Variants in ERG observed in about 807,000 individuals in gnomAD.
ERG encodes the protein transcriptional regulator ERG.
ERG carries 9 observed loss-of-function variants against 55.3 expected under a neutral mutation model. The ratio of observed to expected loss-of-function variants is 0.16; its 90% CI spans 0.10 to 0.28. The LOEUF (loss-of-function observed/expected upper bound fraction) is 0.28. Ranked by LOEUF, ERG falls within the 10% of genes least tolerant of loss-of-function variation. ERG has a pLI of 1.00. For synonymous variants in ERG, 223 were observed against 237.3 expected (o/e 0.94, Z 0.55); for missense variants, 434 against 631.6 (o/e 0.69, Z 3.35).
At chr21:38,447,394 G>T (rs1230731439) in intron 1 of ERG, among the ~76,000 whole-genome samples, 1 of 151,384 alleles carries the variant, frequency 6.6e-6, no homozygotes, top group Non-Finnish European at 1.5e-5. Context: ...GTACCAAAGA[G>T]TCAGGTAGGC....
chr21:38,495,584 G>A (rs1258470642), intron 1 of ERG, among the ~76,000 whole-genome samples: 5 of 152,184 alleles, frequency 3.3e-5, no homozygotes, highest in African/African-American at 1.2e-4. Context: ...ATCAGAACTT[G>A]CAACCTGGGG....
chr21:38,517,627 A>G (rs1321471302), intron 2 of ERG, among the ~76,000 whole-genome samples: 1 of 152,170 alleles, frequency 6.6e-6, no homozygotes, highest in African/African-American at 2.4e-5. Flanking sequence ...ATGAAAAAGA[A>G]ATCAGTATAT....
chr21:38,429,243 A>G (rs1171010216), intron 2 of ERG, among the ~76,000 whole-genome samples: 1 of 151,082 alleles, frequency 6.6e-6, no homozygotes, highest in African/African-American at 2.4e-5. Flanking sequence ...ATAGTATTCC[A>G]TGGTGTGTGT....
intron 1 of ERG, among the ~76,000 whole-genome samples, chr21:38,635,604 A>G (rs1313152440): frequency 6.6e-6 from 1 of 152,242 alleles, no homozygotes; most frequent in Non-Finnish European, 1.5e-5. Context: ...CATTTCTAAA[A>G]TCCAAAAACT....
chr21:38,397,596 C>CAA (rs61047146), intron 6 of ERG, among the ~76,000 whole-genome samples: 2,962 of 66,904 alleles, frequency 0.044, 118 homozygotes, highest in East Asian at 0.066. Context: ...GACTCCATCT[C>CAA]AAAAAAAAAA....
intron 1 of ERG, among the ~76,000 whole-genome samples, chr21:38,618,362 C>T (rs950972138): frequency 6.6e-6 from 1 of 151,976 alleles, no homozygotes; most frequent in African/African-American, 2.4e-5. Flanking sequence ...AATGCATGCC[C>T]CTAAAATAAC....
intron 2 of ERG, among the ~76,000 whole-genome samples, chr21:38,541,425 C>T (rs1394298912): frequency 6.6e-6 from 1 of 152,182 alleles, no homozygotes; most frequent in African/African-American, 2.4e-5. Context: ...TTATAATCTA[C>T]TTGATTACAC....
upstream of ERG, among the ~76,000 whole-genome samples, chr21:38,501,177 T>G (rs2059418561): frequency 6.7e-6 from 1 of 149,266 alleles, no homozygotes; most frequent in Non-Finnish European, 1.5e-5. Flanking sequence ...GCCATTCTCC[T>G]GCCTCAGCCT....
Position 38,423,327 on chromosome 21 carries a change from G to T in ERG, c.388+83C>A, listed in dbSNP as rs188282799. On this transcript the variant is annotated intron_variant, in intron 3 of 9. Coordinates refer to ENST00000288319, the MANE Select transcript of ERG (RefSeq NM_182918.4). ...AGGAGATGTGATCAATGCCACAGGT[G>T]GGGGAGAAGAGCTCCCTGAGGCTCA... 1.5e-3 allele frequency: 2,089 copies of T among 1,415,158 alleles called. 1 individual carries two copies. The highest frequency in any genetic ancestry group is 1.9e-3 in the Non-Finnish European group (1,990 of 1,031,858). 87.7% of individuals were successfully genotyped at this position (1,415,158 alleles called of 1,614,324 possible). A position where few individuals can be genotyped will look rare whatever the true frequency, so the allele number is the denominator to read the frequency against.
intron 2 of ERG, among the ~76,000 whole-genome samples, chr21:38,533,400 C>A (rs1386045385): frequency 4.6e-5 from 7 of 152,214 alleles, no homozygotes; most frequent in African/African-American, 1.7e-4. Context: ...GGTGGATCTT[C>A]CAAACGTACA....
intron 5 of ERG, among the ~76,000 whole-genome samples, chr21:38,401,868 G>A (rs1045580420): frequency 6.6e-6 from 1 of 152,144 alleles, no homozygotes; most frequent in Admixed American, 6.5e-5. Context: ...GATGAGGCAC[G>A]GTGTTAAACC....
At chr21:38,494,398 G>A (rs567405906) in intron 1 of ERG, among the ~76,000 whole-genome samples, 1 of 152,160 alleles carries the variant, frequency 6.6e-6, no homozygotes, top group Non-Finnish European at 1.5e-5. Context: ...CCCTTACTCT[G>A]TGATTCTCTT....
chr21:38,660,890 C>T (rs1197473434), intron 1 of ERG, among the ~76,000 whole-genome samples: 1 of 152,020 alleles, frequency 6.6e-6, no homozygotes, highest in East Asian at 1.9e-4. Context: ...GGTGTGCTCG[C>T]GTGTCCGTGC....
intron 2 of ERG, among the ~76,000 whole-genome samples, chr21:38,559,383 C>CTTTT (rs574207119): frequency 0.034 from 3,087 of 91,944 alleles, 132 homozygotes; most frequent in East Asian, 0.082. Flanking sequence ...TCCCATTTCC[C>CTTTT]TTTTTTTTTT....
At chr21:38,636,796 G>A (rs1188431969) in intron 1 of ERG, among the ~76,000 whole-genome samples, 9 of 152,088 alleles carry the variant, frequency 5.9e-5, no homozygotes, top group East Asian at 1.9e-4. Context: ...CCTGGATTCC[G>A]GGGCCCTGTA....
At chr21:38,474,731 ATTT>A (rs5843909) in intron 1 of ERG, among the ~76,000 whole-genome samples, 3 of 147,100 alleles carry the variant, frequency 2.0e-5, no homozygotes, top group African/African-American at 7.5e-5. Flanking sequence ...ACTTGGCTCC[ATTT>A]TTTTTTTTTT....
chr21:38,568,685 C>A (rs1798891068), intron 2 of ERG, among the ~76,000 whole-genome samples: 1 of 152,182 alleles, frequency 6.6e-6, no homozygotes, highest in Admixed American at 6.5e-5. Context: ...GATCCTCACA[C>A]AAAATCTTAC....
At chr21:38,416,844 A>G (rs940091452) in intron 3 of ERG, among the ~76,000 whole-genome samples, 5 of 152,224 alleles carry the variant, frequency 3.3e-5, no homozygotes, top group African/African-American at 1.2e-4. Context: ...CAGAGAGGGA[A>G]CCGCAGGGAC....
intron 1 of ERG, among the ~76,000 whole-genome samples, chr21:38,458,789 A>T (rs1332562648): frequency 6.6e-6 from 1 of 152,120 alleles, no homozygotes; most frequent in South Asian, 2.1e-4. Flanking sequence ...AATATTTCAC[A>T]GCTCTTTAAC....
Sources: gnomAD v4.1 joint callset for allele counts (sites outside exome capture counted in the v4.1 genomes callset) on GRCh38, gnomAD v4.1.1 for gene constraint, MANE v1.5 for transcripts, NCBI Gene and HGNC (gene_info 2026-07-23, HGNC 2026-07-21) for gene names.